OR2A42: variants seen among roughly 807,000 people sequenced by gnomAD.
OR2A42 encodes olfactory receptor family 2 subfamily A member 42, also known as olfactory receptor 2A1/2A42.
For synonymous variants in OR2A42, 5 were observed against 46.4 expected, an observed-to-expected ratio of 0.11 and a Z score of 3.63; for missense variants, 3 against 104.1, an observed-to-expected ratio of 0.03 and a Z score of 4.23.
Position 144,229,732 on chromosome 7 carries a change from C to A in OR2A42, c.*2179G>T, listed in dbSNP as rs2052347011. 1 of 150,560 alleles carries A rather than the reference C, an allele frequency of 6.6e-6. No homozygotes were observed. Among genetic ancestry groups the A allele is most frequent in the African/African-American group, 2.4e-5 (1 of 41,110 alleles). 9.3% of individuals were successfully genotyped at this position (150,560 alleles called of 1,614,324 possible). ...AAACTGTTCGGCAGCAATGGAATTACAAATTGTATATCCAGTTTGGGTAAT... is the reference window on the plus strand; with the variant it reads ...AAACTGTTCGGCAGCAATGGAATTAAAAATTGTATATCCAGTTTGGGTAAT... On this transcript the variant is annotated 3_prime_UTR_variant, in exon 3 of 3. Transcript: ENST00000641810.
chr7:144,229,830 G>A lies in OR2A42; in HGVS notation c.*2081C>T, dbSNP rs1184707119. On this transcript the variant is annotated 3_prime_UTR_variant, in exon 3 of 3. Transcript: ENST00000641810. ...AGGTCTCACTCTGTCACCCAGGCTG[G>A]AATGCAGTGGTGCGATCATGGCTCA... The A allele has an allele frequency of 1.2e-4, 18 of 151,414 alleles. No individual in the cohort carries two copies. Among genetic ancestry groups the A allele is most frequent in the African/African-American group, 4.1e-4 (17 of 41,442 alleles). The allele number at this position is 151,414 out of a possible 1,614,324, so 9.4% of individuals were successfully genotyped here.
Position 144,230,013 on chromosome 7 carries a change from A to G in OR2A42, c.*1898T>C, listed in dbSNP as rs1449751512. On this transcript the variant is annotated 3_prime_UTR_variant, in exon 3 of 3. Transcript: ENST00000641810. ...AACCATCAACTTAAAAGTTTTATCC[A>G]TTGTTTTTGGTTTCACCATCCTGCC... 3 of 149,602 alleles carry G rather than the reference A, an allele frequency of 2.0e-5. No individual in the cohort carries two copies. Among genetic ancestry groups the G allele is most frequent in the South Asian group, 4.3e-4 (2 of 4,704 alleles). 9.3% of individuals were successfully genotyped at this position (149,602 alleles called of 1,614,324 possible). A position where few individuals can be genotyped will look rare whatever the true frequency, so the allele number is the denominator to read the frequency against.
rs2052339952 is a variant in OR2A42 at position 144,229,163 on chromosome 7, C to A, written c.*2748G>T. The stretch of plus-strand genomic sequence containing the variant: ...AGCAACCCTGACAGGTTTAAAATAA[C>A]TTCTGACAGCAGGGTAATCATAACA... On this transcript the variant is annotated 3_prime_UTR_variant, in exon 3 of 3. Coordinates refer to ENST00000641810, the MANE Select transcript of OR2A42 (RefSeq NM_001001802.3). 7.8e-6 allele frequency: 1 copy of A among 127,524 alleles called. No individual in the cohort carries two copies. Among genetic ancestry groups the A allele is most frequent in the Non-Finnish European group, 1.7e-5 (1 of 57,410 alleles). The allele number at this position is 127,524 out of a possible 1,614,324, so 7.9% of individuals were successfully genotyped here.
intron 2 of OR2A42, among the ~76,000 whole-genome samples, chr7:144,235,023 C>T (rs1201018150): frequency 6.8e-6 from 1 of 146,736 alleles, no homozygotes; most frequent in African/African-American, 2.6e-5. Context: ...GATTACGGCT[C>T]ACTGTAGTTT....
Position 144,229,807 on chromosome 7 carries a change from G to C in OR2A42, c.*2104C>G, listed in dbSNP as rs2128819086. 1 of 150,916 alleles carries C rather than the reference G, an allele frequency of 6.6e-6. No homozygotes were observed. Among genetic ancestry groups the C allele is most frequent in the Middle Eastern group, 3.4e-3 (1 of 290 alleles). 9.3% of individuals were successfully genotyped at this position (150,916 alleles called of 1,614,324 possible). A position where few individuals can be genotyped will look rare whatever the true frequency, so the allele number is the denominator to read the frequency against. On this transcript the variant is annotated 3_prime_UTR_variant, in exon 3 of 3. Coordinates refer to ENST00000641810, the MANE Select transcript of OR2A42 (RefSeq NM_001001802.3). ...CATTGTTATTATTGTTGGAGACAAG[G>C]TCTCACTCTGTCACCCAGGCTGGAA...
intron 2 of OR2A42, among the ~76,000 whole-genome samples, chr7:144,235,235 G>A (rs1213945585): frequency 6.8e-6 from 1 of 147,510 alleles, no homozygotes; most frequent in African/African-American, 2.6e-5. Flanking sequence ...GGGATTGTAG[G>A]CATGAACCGT....
Position 144,230,155 on chromosome 7 carries a change from T to TTG in OR2A42, c.*1754_*1755dup. ...AGCTGTTTTTTGTTTGTTTGTTTGT[T>TTG]TGTTTGTTTGTTTTTCCCCCAGCTT... On this transcript the variant is annotated 3_prime_UTR_variant, in exon 3 of 3. Transcript: ENST00000641810. 7.4e-6 allele frequency: 1 copy of TTG among 135,036 alleles called. No individual in the cohort carries two copies. The highest frequency in any genetic ancestry group is 7.7e-5 in the Admixed American group (1 of 13,028). The allele number at this position is 135,036 out of a possible 1,614,324, so 8.4% of individuals were successfully genotyped here.
chr7:144,230,446 G>C lies in OR2A42; in HGVS notation c.*1465C>G, dbSNP rs2052359083. The C allele has an allele frequency of 7.3e-6, 1 of 137,266 alleles. No homozygotes were observed. Among genetic ancestry groups the C allele is most frequent in the Non-Finnish European group, 1.6e-5 (1 of 63,014 alleles). The allele number at this position is 137,266 out of a possible 1,614,324, so 8.5% of individuals were successfully genotyped here. A position where few individuals can be genotyped will look rare whatever the true frequency, so the allele number is the denominator to read the frequency against. On this transcript the variant is annotated 3_prime_UTR_variant, in exon 3 of 3. Transcript: ENST00000641810. ...TAGTAGTAATAGTCTCTACCTCATA[G>C]GGTTTTTATGAGGACTTAAAGAGCT... is the stretch of plus-strand genomic sequence containing the variant.
At chr7:144,235,073 C>A (rs1586962684) in intron 2 of OR2A42, among the ~76,000 whole-genome samples, 1 of 147,092 alleles carries the variant, frequency 6.8e-6, no homozygotes, top group East Asian at 1.9e-4. Context: ...CTCAGCCTCC[C>A]AAGTAGCTGG....
chr7:144,228,345 T>G lies in OR2A42; in HGVS notation c.*3566A>C, dbSNP rs1166706956. The stretch of plus-strand genomic sequence containing the variant: ...GCAAGAGAGTGGCTCAGAATTTATT[T>G]ACAGTCAGACTGCCTGGTCTTGATT... On this transcript the variant is annotated 3_prime_UTR_variant, in exon 3 of 3. Coordinates refer to ENST00000641810, the MANE Select transcript of OR2A42 (RefSeq NM_001001802.3). The G allele has an allele frequency of 7.8e-6, 1 of 128,150 alleles. No individual in the cohort carries two copies. Among genetic ancestry groups the G allele is most frequent in the Non-Finnish European group, 1.7e-5 (1 of 59,214 alleles). The allele number at this position is 128,150 out of a possible 1,614,324, so 7.9% of individuals were successfully genotyped here. A position where few individuals can be genotyped will look rare whatever the true frequency, so the allele number is the denominator to read the frequency against.
chr7:144,229,374 A>G lies in OR2A42; in HGVS notation c.*2537T>C, dbSNP rs929073776. The stretch of plus-strand genomic sequence containing the variant: ...TCTCTGCAAAAAACACAGCTAGCAA[A>G]TGGTACATCTGGAACTAGAACCAGG... On this transcript the variant is annotated 3_prime_UTR_variant, in exon 3 of 3. Transcript: ENST00000641810. The G allele has an allele frequency of 2.4e-5, 3 of 123,214 alleles. No individual in the cohort carries two copies. Among genetic ancestry groups the G allele is most frequent in the East Asian group, 5.2e-4 (2 of 3,868 alleles). The allele number at this position is 123,214 out of a possible 1,614,324, so 7.6% of individuals were successfully genotyped here.
chr7:144,236,964 CA>C (rs1457571850), intron 2 of OR2A42, among the ~76,000 whole-genome samples: 2 of 2,656 alleles, frequency 7.5e-4, no homozygotes, highest in Admixed American at 3.6e-3. Context: ...CTCAGCCTCC[CA>C]AAGTGCTGAG....
Position 144,230,048 on chromosome 7 carries a change from G to A in OR2A42, c.*1863C>T, listed in dbSNP as rs2052352067. Reference sequence around the variant, plus strand: ...GTTTCACCATCCTGCCCGTCAAGAGGCTCCTCCTCCGTCTCTGACCCTTGG... The same window carrying A: ...GTTTCACCATCCTGCCCGTCAAGAGACTCCTCCTCCGTCTCTGACCCTTGG... On this transcript the variant is annotated 3_prime_UTR_variant, in exon 3 of 3. Coordinates refer to ENST00000641810, the MANE Select transcript of OR2A42 (RefSeq NM_001001802.3). 1.4e-5 allele frequency: 2 copies of A among 147,282 alleles called. No individual in the cohort carries two copies. Among genetic ancestry groups the A allele is most frequent in the South Asian group, 2.2e-4 (1 of 4,574 alleles). The allele number at this position is 147,282 out of a possible 1,614,324, so 9.1% of individuals were successfully genotyped here.
intron 1 of OR2A42, 68 bp from the exon 2 acceptor site, chr7:144,238,811 A>G (rs1436892044): frequency 6.7e-6 from 1 of 150,218 alleles, no homozygotes; most frequent in Non-Finnish European, 1.5e-5. Flanking sequence ...AGGATGCACA[A>G]TTAACAAACA....
chr7:144,228,265 A>G lies in OR2A42; in HGVS notation c.*3646T>C. 7.3e-6 allele frequency: 1 copy of G among 137,778 alleles called. No homozygotes were observed. Among genetic ancestry groups the G allele is most frequent in the Non-Finnish European group, 1.6e-5 (1 of 63,092 alleles). The allele number at this position is 137,778 out of a possible 1,614,324, so 8.5% of individuals were successfully genotyped here. ...TTTAGTCAAAGTTTATTGAGTGTCT[A>G]CTATGAACAGGCCTGTTGCCAACCA... On this transcript the variant is annotated 3_prime_UTR_variant, in exon 3 of 3. Coordinates refer to ENST00000641810, the MANE Select transcript of OR2A42 (RefSeq NM_001001802.3).
chr7:144,235,630 C>T (rs2052418032), intron 2 of OR2A42, among the ~76,000 whole-genome samples: 1 of 152,192 alleles, frequency 6.6e-6, no homozygotes, highest in Non-Finnish European at 1.5e-5. Flanking sequence ...TTGACTGAAT[C>T]TGGAATGTCT....
chr7:144,235,706 T>C (rs2052419049), intron 2 of OR2A42, among the ~76,000 whole-genome samples: 1 of 152,160 alleles, frequency 6.6e-6, no homozygotes, highest in African/African-American at 2.4e-5. Context: ...TCTTTCATTC[T>C]ACATGATACA....
Position 144,228,528 on chromosome 7 carries a change from A to G in OR2A42, c.*3383T>C, listed in dbSNP as rs1346511425. The G allele has an allele frequency of 8.3e-6, 1 of 121,080 alleles. No individual in the cohort carries two copies. The highest frequency in any genetic ancestry group is 3.0e-5 in the African/African-American group (1 of 33,188). 7.5% of individuals were successfully genotyped at this position (121,080 alleles called of 1,614,324 possible). ...TAAAGCATTTTATGCAGTGCCAACC[A>G]CATAGTAAGTGCTCAATAATTATCA... On this transcript the variant is annotated 3_prime_UTR_variant, in exon 3 of 3. Transcript: ENST00000641810.
intron 2 of OR2A42, among the ~76,000 whole-genome samples, chr7:144,235,388 T>C (rs2052414199): frequency 6.6e-6 from 1 of 151,208 alleles, no homozygotes; most frequent in Admixed American, 6.6e-5. Context: ...AGATGGAGAG[T>C]CAAGAAGAAA....
Sources: gnomAD v4.1 joint callset for allele counts (sites outside exome capture counted in the v4.1 genomes callset) on GRCh38, gnomAD v4.1.1 for gene constraint, MANE v1.5 for transcripts, NCBI Gene and HGNC (gene_info 2026-07-23, HGNC 2026-07-21) for gene names.